The following STK32B variants were observed in gnomAD, a reference collection of about 807,000 sequenced individuals.
The protein encoded by STK32B is serine/threonine kinase 32B.
STK32B carries 43 observed loss-of-function variants against 52.6 expected under a neutral mutation model. The observed-to-expected ratio is 0.82, with a 90% CI of 0.64 to 1.05. The LOEUF is 1.05. Among genes scored for constraint, STK32B ranks in the 50% least tolerant of loss-of-function variants. The pLI, the probability that STK32B is intolerant of heterozygous loss-of-function variation, is 0.00. For missense variants in STK32B, 621 were observed against 534.6 expected, an observed-to-expected ratio of 1.16 and a Z score of -1.59; for synonymous variants, 238 against 204.3, an observed-to-expected ratio of 1.17 and a Z score of -1.41.
intron 5 of STK32B, among the ~76,000 whole-genome samples, chr4:5,413,690 C>T (rs1020357634): frequency 6.6e-6 from 1 of 152,196 alleles, no homozygotes; most frequent in Non-Finnish European, 1.5e-5. Context: ...TTGCAATACA[C>T]ATAGCAGAGA....
intron 3 of STK32B, among the ~76,000 whole-genome samples, chr4:5,292,044 C>T (rs1011499612): frequency 6.6e-5 from 10 of 152,054 alleles, no homozygotes; most frequent in East Asian, 1.9e-4. Flanking sequence ...TGATTCCATG[C>T]GATAGGCAGC....
chr4:5,489,916 T>A (rs1577056055), intron 11 of STK32B, among the ~76,000 whole-genome samples: 1 of 152,224 alleles, frequency 6.6e-6, no homozygotes, highest in Non-Finnish European at 1.5e-5. Context: ...GTGTAATACA[T>A]GTATATATAC....
At chr4:5,246,371 C>T (rs1725452338) in intron 3 of STK32B, among the ~76,000 whole-genome samples, 2 of 152,168 alleles carry the variant, frequency 1.3e-5, no homozygotes, top group South Asian at 4.1e-4. Context: ...GCATTGGTTA[C>T]TGAGGCTTGA....
chr4:5,457,877 G>A (rs996724595), intron 8 of STK32B, among the ~76,000 whole-genome samples: 8 of 146,622 alleles, frequency 5.5e-5, no homozygotes, highest in African/African-American at 9.9e-5. Flanking sequence ...TGAAAGAAGC[G>A]AGGCGAGGCG....
Position 5,089,393 on chromosome 4 carries a change from A to G in STK32B, c.52+37478A>G, listed in dbSNP as rs1041315918. Among the ~76,000 whole-genome samples, 4 of 152,014 alleles carry G rather than the reference A, an allele frequency of 2.6e-5. No individual in the cohort carries two copies. In the East Asian group the frequency reaches 5.8e-4, roughly 22 times the overall value. On this transcript the variant is annotated intron_variant, in intron 1 of 11. Coordinates refer to ENST00000282908, the MANE Select transcript of STK32B (RefSeq NM_018401.3). ...GTTGTTCCCTTCTCTGTGTCCATAT[A>G]TTCTCATTGTTCAACTCCCACTTGT...
intron 3 of STK32B, among the ~76,000 whole-genome samples, chr4:5,195,612 G>T (rs1721582521): frequency 6.6e-6 from 1 of 152,178 alleles, no homozygotes; most frequent in Non-Finnish European, 1.5e-5. Context: ...AGAATCGCTT[G>T]AACCTGGGAG....
intron 1 of STK32B, among the ~76,000 whole-genome samples, chr4:5,070,909 C>G (rs375337208): frequency 1.3e-5 from 2 of 152,128 alleles, no homozygotes; most frequent in Admixed American, 1.3e-4. Context: ...AGAAGGCGTT[C>G]CTAGGCATGA....
At chr4:5,032,405 G>A in the STK32B span, among the ~76,000 whole-genome samples, 1 of 149,594 alleles carries the variant, frequency 6.7e-6, no homozygotes, top group Non-Finnish European at 1.5e-5. Context: ...CCCGGGAGGC[G>A]GAGGTTGCAG....
intron 9 of STK32B, 81 bp from the exon 10 acceptor site, chr4:5,466,622 G>A (rs1311901402): frequency 6.7e-7 from 1 of 1,500,502 alleles, no homozygotes; most frequent in Admixed American, 2.2e-5. Flanking sequence ...TTGAATGAAT[G>A]AATGGTTGAA....
chr4:5,247,795 G>C (rs1231124774), intron 3 of STK32B, among the ~76,000 whole-genome samples: 1 of 151,986 alleles, frequency 6.6e-6, no homozygotes, highest in Non-Finnish European at 1.5e-5. Context: ...ATTTTCTTTT[G>C]TGTCTTCTTT....
At chr4:5,485,199 C>T (rs1488115376) in intron 11 of STK32B, among the ~76,000 whole-genome samples, 2 of 152,072 alleles carry the variant, frequency 1.3e-5, no homozygotes, top group Non-Finnish European at 2.9e-5. Flanking sequence ...AACTTGGTTC[C>T]ATTCTCCCCG....
chr4:5,330,473 G>A (rs1020525115), intron 3 of STK32B, among the ~76,000 whole-genome samples: 9 of 152,152 alleles, frequency 5.9e-5, no homozygotes, highest in African/African-American at 1.9e-4. Flanking sequence ...ACTTAATGGT[G>A]TGAAAACACC....
At chr4:5,305,041 C>G (rs1245738514) in intron 3 of STK32B, among the ~76,000 whole-genome samples, 2 of 149,290 alleles carry the variant, frequency 1.3e-5, no homozygotes, top group African/African-American at 5.2e-5. Context: ...ATGAAACCCA[C>G]TTGATCATGG....
At position 5,446,728 on chromosome 4, in the gene STK32B, C is replaced by A; in HGVS notation, c.618C>A (p.Val206=). 2 of 1,614,100 alleles carry A rather than the reference C, an allele frequency of 1.2e-6. No homozygotes were observed. The highest frequency in any genetic ancestry group is 8.5e-7 in the Non-Finnish European group (1 of 1,180,006). The change falls in exon 7 of 12, where the codon GTC becomes GTA. Residue 206 remains valine (V), a synonymous_variant. Transcript: ENST00000282908. The stretch of plus-strand genomic sequence containing the variant: ...GAGGCCCCGGATACTCGTACCCTGT[C>A]GACTGGTGGTCCCTGGGCATCACAG... ...MDRGPGYSYP[V]DWWSLGITAY...
intron 4 of STK32B, among the ~76,000 whole-genome samples, chr4:5,368,947 G>T (rs935308865): frequency 1.3e-5 from 2 of 152,116 alleles, no homozygotes; most frequent in Non-Finnish European, 2.9e-5. Context: ...TCCTCCAGCA[G>T]CTGTCCTTCC....
chr4:5,388,001 T>C (rs960033908), intron 4 of STK32B, among the ~76,000 whole-genome samples: 4 of 152,164 alleles, frequency 2.6e-5, no homozygotes, highest in African/African-American at 9.7e-5. Flanking sequence ...CGCCTCAGCC[T>C]CCCAAAGTAC....
At chr4:5,201,683 C>A (rs551071904) in intron 3 of STK32B, among the ~76,000 whole-genome samples, 20 of 152,264 alleles carry the variant, frequency 1.3e-4, no homozygotes, top group Non-Finnish European at 2.2e-4. Flanking sequence ...AGGAAACTTA[C>A]AATCGTGGCA....
chr4:5,331,166 A>T, intron 3 of STK32B, 54 bp from the exon 4 acceptor site: 3 of 1,522,112 alleles, frequency 2.0e-6, no homozygotes, highest in Non-Finnish European at 2.7e-6. Flanking sequence ...ATTGGTCTTG[A>T]GGGTGCTGAA....
intron 3 of STK32B, among the ~76,000 whole-genome samples, chr4:5,271,598 A>G (rs1344877034): frequency 1.2e-4 from 18 of 147,658 alleles, no homozygotes; most frequent in Non-Finnish European, 2.2e-4. Flanking sequence ...CTTGGGCAGT[A>G]TGGCCATTTT....
Sources: gnomAD v4.1 joint callset for allele counts (sites outside exome capture counted in the v4.1 genomes callset) on GRCh38, gnomAD v4.1.1 for gene constraint, MANE v1.5 for transcripts, NCBI Gene and HGNC (gene_info 2026-07-23, HGNC 2026-07-21) for gene names.